C7orf78: variants seen among roughly 807,000 people sequenced by gnomAD.
C7orf78 encodes chromosome 7 open reading frame 78, also known as putative uncharacterized protein C7orf78.
the C7orf78 span, among the ~76,000 whole-genome samples, chr7:12,528,618 C>A: frequency 6.6e-6 from 1 of 152,126 alleles, no homozygotes; most frequent in Non-Finnish European, 1.5e-5. Context: ...TTAAGGAAAA[C>A]TTAAGGTAGA....
chr7:12,484,400 A>C, the C7orf78 span, among the ~76,000 whole-genome samples: 1 of 152,210 alleles, frequency 6.6e-6, no homozygotes. Flanking sequence ...AATTTACATA[A>C]GTTACCTAAC....
chr7:12,514,529 C>A, the C7orf78 span, among the ~76,000 whole-genome samples: 2 of 151,854 alleles, frequency 1.3e-5, no homozygotes, highest in Non-Finnish European at 2.9e-5. Context: ...GATTTTAATT[C>A]ATTTACTTTC....
At chr7:12,498,673 CA>C in the C7orf78 span, among the ~76,000 whole-genome samples, 12 of 152,000 alleles carry the variant, frequency 7.9e-5, no homozygotes, top group African/African-American at 2.9e-4. Flanking sequence ...GGATATTATC[CA>C]GGAGAATTTC....
At chr7:12,509,812 C>T in the C7orf78 span, among the ~76,000 whole-genome samples, 1 of 152,172 alleles carries the variant, frequency 6.6e-6, no homozygotes, top group Non-Finnish European at 1.5e-5. Context: ...CAGCCAGGTG[C>T]AGTGGCTCAT....
the C7orf78 span, among the ~76,000 whole-genome samples, chr7:12,486,125 G>C: frequency 2.0e-5 from 3 of 152,038 alleles, no homozygotes; most frequent in Non-Finnish European, 4.4e-5. Context: ...GAAAATTAAA[G>C]TGGCCTATAC....
the C7orf78 span, among the ~76,000 whole-genome samples, chr7:12,537,321 G>A: frequency 0.1 from 15,397 of 152,184 alleles, 1,316 homozygotes; most frequent in African/African-American, 0.23. Flanking sequence ...ATCAGATCTC[G>A]TGAGACTCAT....
At chr7:12,512,988 G>A in the C7orf78 span, among the ~76,000 whole-genome samples, 6,368 of 151,830 alleles carry the variant, frequency 0.042, 165 homozygotes, top group African/African-American at 0.07. Context: ...TCTGATGATC[G>A]TTTATATTTC....
At chr7:12,504,782 A>G in the C7orf78 span, among the ~76,000 whole-genome samples, 14 of 152,104 alleles carry the variant, frequency 9.2e-5, no homozygotes, top group African/African-American at 3.1e-4. Flanking sequence ...ACAGTGTTGA[A>G]TTTCCCTTTA....
At chr7:12,532,548 C>CA in the C7orf78 span, among the ~76,000 whole-genome samples, 71,042 of 135,794 alleles carry the variant, frequency 0.52, 18,137 homozygotes, top group East Asian at 0.81. Flanking sequence ...GACTCTGTTT[C>CA]AAAAAAAAAA....
chr7:12,539,463 CA>C, the C7orf78 span, among the ~76,000 whole-genome samples: 9 of 151,706 alleles, frequency 5.9e-5, no homozygotes, highest in Non-Finnish European at 1.0e-4. Context: ...GACTCTGTCT[CA>C]AAAAACAAAA....
chr7:12,520,430 T>C, the C7orf78 span, among the ~76,000 whole-genome samples: 1 of 152,232 alleles, frequency 6.6e-6, no homozygotes, highest in Admixed American at 6.5e-5. Flanking sequence ...TTTTGGTGTG[T>C]TGTATTTCCA....
chr7:12,491,021 T>G, the C7orf78 span: 2 of 152,016 alleles, frequency 1.3e-5, no homozygotes, highest in East Asian at 3.9e-4. Flanking sequence ...TATGTTCCCA[T>G]TTGCAAGATC....
the C7orf78 span, among the ~76,000 whole-genome samples, chr7:12,537,218 C>T: frequency 1.3e-5 from 2 of 152,242 alleles, no homozygotes; most frequent in African/African-American, 4.8e-5. Context: ...GCTGGAGAGG[C>T]CTCACAGTCA....
chr7:12,526,838 T>C, the C7orf78 span, among the ~76,000 whole-genome samples: 1 of 152,072 alleles, frequency 6.6e-6, no homozygotes, highest in East Asian at 1.9e-4. Context: ...CATCTAGCTG[T>C]GTAATTGAAA....
chr7:12,521,464 C>T, the C7orf78 span, among the ~76,000 whole-genome samples: 1 of 151,902 alleles, frequency 6.6e-6, no homozygotes, highest in Non-Finnish European at 1.5e-5. Flanking sequence ...CTTTCATAAA[C>T]TGTTTCTTCT....
chr7:12,524,827 T>C, the C7orf78 span, among the ~76,000 whole-genome samples: 1 of 151,594 alleles, frequency 6.6e-6, no homozygotes, highest in Admixed American at 6.6e-5. Context: ...CAAAAAATAA[T>C]AATAAATAAA....
At chr7:12,525,710 A>T in the C7orf78 span, 5 of 387,042 alleles carry the variant, frequency 1.3e-5, no homozygotes, top group Non-Finnish European at 1.8e-5. Context: ...CAAAATCATC[A>T]AAATTACGTT....
the C7orf78 span, chr7:12,507,403 G>T: frequency 5.5e-6 from 1 of 180,704 alleles, no homozygotes; most frequent in Admixed American, 5.5e-5. Flanking sequence ...AGACAGCCAT[G>T]AGGCCAGCAC....
At chr7:12,524,563 G>A in the C7orf78 span, among the ~76,000 whole-genome samples, 13 of 151,872 alleles carry the variant, frequency 8.6e-5, no homozygotes, top group African/African-American at 2.9e-4. Flanking sequence ...TACCTTACTA[G>A]GCCAGGAGCA....
Sources: gnomAD v4.1 joint callset for allele counts (sites outside exome capture counted in the v4.1 genomes callset) on GRCh38, gnomAD v4.1.1 for gene constraint, MANE v1.5 for transcripts, NCBI Gene and HGNC (gene_info 2026-07-23, HGNC 2026-07-21) for gene names.